Variants in KCND3 observed in about 807,000 individuals in gnomAD.
KCND3 encodes the protein potassium voltage-gated channel subfamily D member 3, also known as A-type voltage-gated potassium channel KCND3.
Under a neutral mutation model 51.1 loss-of-function variants are expected in KCND3, and 9 were observed. That is an observed-to-expected ratio of 0.18 (90% CI 0.11 to 0.31). The LOEUF (loss-of-function observed/expected upper bound fraction) is 0.31, where lower values mean the gene tolerates loss of function less well. KCND3 is among the 10% of genes least tolerant of loss of function. The pLI is 1.00. For synonymous variants in KCND3, 349 were observed against 368.0 expected, an observed-to-expected ratio of 0.95 and a Z score of 0.59; for missense variants, 526 against 903.8, an observed-to-expected ratio of 0.58 and a Z score of 5.36.
intron 2 of KCND3, among the ~76,000 whole-genome samples, chr1:111,894,415 C>A (rs1248056705): frequency 1.3e-5 from 2 of 152,186 alleles, no homozygotes; most frequent in Admixed American, 6.5e-5. Flanking sequence ...TTCTCTCCCA[C>A]CCTACCCTGT....
At chr1:111,793,421 C>T (rs1261284230) in intron 2 of KCND3, among the ~76,000 whole-genome samples, 2 of 152,108 alleles carry the variant, frequency 1.3e-5, no homozygotes, top group Admixed American at 6.5e-5. Context: ...TCGTGATCTG[C>T]CCGCCTCAGC....
intron 2 of KCND3, among the ~76,000 whole-genome samples, chr1:111,952,553 C>T (rs1484732375): frequency 1.3e-5 from 2 of 152,162 alleles, no homozygotes; most frequent in African/African-American, 4.8e-5. Context: ...TGGGGCTTGG[C>T]TGCCATTTCC....
At chr1:111,868,778 C>G (rs1668701497) in intron 2 of KCND3, among the ~76,000 whole-genome samples, 1 of 152,082 alleles carries the variant, frequency 6.6e-6, no homozygotes, top group Admixed American at 6.5e-5. Flanking sequence ...CTTTGTCACC[C>G]AGGCTGGAGT....
intron 2 of KCND3, among the ~76,000 whole-genome samples, chr1:111,863,265 T>C (rs1163999603): frequency 2.0e-5 from 3 of 152,208 alleles, no homozygotes; most frequent in Non-Finnish European, 4.4e-5. Flanking sequence ...AAGTTCATTC[T>C]TTCATCATAT....
chr1:111,850,253 T>C (rs915273367), intron 2 of KCND3, among the ~76,000 whole-genome samples: 8 of 152,212 alleles, frequency 5.3e-5, no homozygotes, highest in African/African-American at 9.6e-5. Context: ...GCCTGTTCCC[T>C]GCTCCTTGAT....
At chr1:111,909,479 T>C (rs1194199939) in intron 2 of KCND3, 1 of 152,182 alleles carries the variant, frequency 6.6e-6, no homozygotes, top group Admixed American at 6.5e-5. Context: ...CAGCATGAGA[T>C]GGGAGAACCA....
chr1:111,866,988 T>C (rs534170184), intron 2 of KCND3, among the ~76,000 whole-genome samples: 5 of 152,324 alleles, frequency 3.3e-5, no homozygotes, highest in Admixed American at 2.6e-4. Flanking sequence ...TGTAGGCTAA[T>C]AAAAATATTT....
chr1:111,790,891 T>G (rs1019129193), intron 2 of KCND3, among the ~76,000 whole-genome samples: 1 of 152,250 alleles, frequency 6.6e-6, no homozygotes, highest in African/African-American at 2.4e-5. Flanking sequence ...TGTTGTAGAA[T>G]GTATCAGTAC....
Position 111,883,642 on chromosome 1 carries a change from A to T in KCND3, c.1107-96536T>A, listed in dbSNP as rs1224314100. Among the ~76,000 whole-genome samples the T allele has an allele frequency of 2.0e-5, 3 of 152,226 alleles. No individual in the cohort carries two copies. The East Asian group carries it at 5.8e-4, about 29-fold the overall frequency. ...ACACAGACACTACACTGAGTGACGG[A>T]GGAGGGATTCAAGGCCAGGTCTCCT... On this transcript the variant is annotated intron_variant, in intron 2 of 7. Transcript: ENST00000302127.
intron 2 of KCND3, among the ~76,000 whole-genome samples, chr1:111,863,112 C>A (rs1319087423): frequency 6.6e-6 from 1 of 152,200 alleles, no homozygotes; most frequent in Non-Finnish European, 1.5e-5. Context: ...CTGGGCAGGG[C>A]TAGGTGCCTT....
At chr1:111,956,126 G>A (rs1432805761) in intron 2 of KCND3, among the ~76,000 whole-genome samples, 1 of 152,148 alleles carries the variant, frequency 6.6e-6, no homozygotes, top group Non-Finnish European at 1.5e-5. Flanking sequence ...ACAGATTGCA[G>A]ATACTAGAGG....
chr1:111,891,367 AT>A (rs1459506835), intron 2 of KCND3, among the ~76,000 whole-genome samples: 1 of 152,204 alleles, frequency 6.6e-6, no homozygotes, highest in Non-Finnish European at 1.5e-5. Context: ...AAAGGAAGGT[AT>A]TTTAAGAAGG....
Position 111,805,390 on chromosome 1 carries a change from C to A in KCND3, c.1107-18284G>T, listed in dbSNP as rs970310306. On this transcript the variant is annotated intron_variant, in intron 2 of 7. Transcript: ENST00000302127. ...CAACCTGGGTGGGCACCTGGGCCAG[C>A]CTTGTCCCCTCACCCTTGCCTCAGT... 4.6e-5 allele frequency among the ~76,000 whole-genome samples: 7 copies of A among 152,200 alleles called. No individual in the cohort carries two copies. The East Asian group carries it at 5.8e-4, about 13-fold the overall frequency.
chr1:111,909,097 A>G (rs1215150234), intron 2 of KCND3, among the ~76,000 whole-genome samples: 2 of 152,118 alleles, frequency 1.3e-5, no homozygotes. Flanking sequence ...CTTCCTGGGC[A>G]CAAGAGGGTC....
At chr1:111,871,861 G>T (rs1668841347) in intron 2 of KCND3, among the ~76,000 whole-genome samples, 1 of 152,082 alleles carries the variant, frequency 6.6e-6, no homozygotes, top group South Asian at 2.1e-4. Context: ...GGTGAAGAGA[G>T]GTCCAAGGAA....
At chr1:111,921,228 G>A (rs1671462078) in intron 2 of KCND3, among the ~76,000 whole-genome samples, 1 of 152,186 alleles carries the variant, frequency 6.6e-6, no homozygotes, top group African/African-American at 2.4e-5. Context: ...GCTCCTAGGA[G>A]TTGAGTAACT....
intron 2 of KCND3, among the ~76,000 whole-genome samples, chr1:111,898,701 C>T (rs546057868): frequency 6.6e-6 from 1 of 152,232 alleles, no homozygotes; most frequent in Non-Finnish European, 1.5e-5. Context: ...GAAGCTGAGT[C>T]CAAGGGAAAG....
In KCND3 at chr1:111,982,564, T is replaced by C; in HGVS notation, c.163A>G (p.Arg55Gly). The change falls in exon 2 of 8, where the codon AGG (arginine) becomes GGG (glycine). Residue 55 changes from arginine (R) to glycine (G), a missense_variant. Transcript: ENST00000302127. This position sits in a 1 kb window ranked among gnomAD's most constrained non-coding sequence, Gnocchi z 8.5. The stretch of plus-strand genomic sequence containing the variant: ...TCCGGGTAGCGCTCCAGCGTGGTCC[T>C]CCAGGTCTGGAACCTCCGCCCACTC... The part of the protein sequence containing the change: ...NVSGRRFQTW[R>G]TTLERYPDTL... The C allele has an allele frequency of 6.2e-7, 1 of 1,611,518 alleles. No homozygotes were observed. Among genetic ancestry groups the C allele is most frequent in the Non-Finnish European group, 8.5e-7 (1 of 1,177,984 alleles).
chr1:111,965,997 C>T (rs1479381856), intron 2 of KCND3, among the ~76,000 whole-genome samples: 2 of 152,092 alleles, frequency 1.3e-5, no homozygotes, highest in Non-Finnish European at 2.9e-5. Context: ...GTTTAGGAGG[C>T]TTTCAGATGG....
Sources: gnomAD v4.1 joint callset for allele counts (sites outside exome capture counted in the v4.1 genomes callset) on GRCh38, gnomAD v4.1.1 for gene constraint, Gnocchi (gnomAD v3.1) non-coding constraint, MANE v1.5 for transcripts, NCBI Gene and HGNC (gene_info 2026-07-23, HGNC 2026-07-21) for gene names.